ATAD1: variants seen among roughly 807,000 people sequenced by gnomAD.
The protein encoded by ATAD1 is ATPase family AAA domain containing 1.
ATAD1 carries 18 observed loss-of-function variants against 42.7 expected under a neutral mutation model. That is an observed-to-expected ratio of 0.42 (90% CI 0.29 to 0.63). The LOEUF is 0.63. Ranked by LOEUF, ATAD1 falls within the 20% of genes least tolerant of loss-of-function variation. The pLI is 0.19. For missense variants in ATAD1, 294 were observed against 440.4 expected (o/e 0.67, Z 2.98); for synonymous variants, 132 against 143.1 (o/e 0.92, Z 0.55).
chr10:87,820,841 A>G (rs1381365017), upstream of ATAD1, among the ~76,000 whole-genome samples: 1 of 152,208 alleles, frequency 6.6e-6, no homozygotes, highest in Non-Finnish European at 1.5e-5. Flanking sequence ...AGATTCTTCC[A>G]GAATACAGCA....
chr10:87,772,265 A>G (rs56159564), intron 6 of ATAD1, among the ~76,000 whole-genome samples: 9,975 of 151,236 alleles, frequency 0.066, 787 homozygotes, highest in East Asian at 0.33. Context: ...GGCACATGCC[A>G]CTGTGCCTAG....
chr10:87,762,875 C>T (rs1355192320), intron 8 of ATAD1, among the ~76,000 whole-genome samples: 2 of 144,634 alleles, frequency 1.4e-5, no homozygotes, highest in Non-Finnish European at 3.0e-5. Flanking sequence ...CCGAGACCAG[C>T]CTGATCAACA....
intron 2 of ATAD1, among the ~76,000 whole-genome samples, chr10:87,798,350 C>A (rs1472626440): frequency 3.9e-5 from 6 of 152,166 alleles, no homozygotes; most frequent in Non-Finnish European, 7.3e-5. Context: ...TTTTATGGCA[C>A]CACTACTTGC....
At chr10:87,791,936 T>C (rs975668764) in intron 3 of ATAD1, among the ~76,000 whole-genome samples, 1 of 152,192 alleles carries the variant, frequency 6.6e-6, no homozygotes, top group African/African-American at 2.4e-5. Flanking sequence ...TTTAGTATCC[T>C]GTGTTATCAT....
chr10:87,760,857 T>A (rs1456178136), intron 8 of ATAD1, among the ~76,000 whole-genome samples: 1 of 152,240 alleles, frequency 6.6e-6, no homozygotes, highest in African/African-American at 2.4e-5. Flanking sequence ...TCAGACGAAA[T>A]ACTTTTATAG....
chr10:87,824,069 A>G lies in ATAD1; in HGVS notation c.-13-9457T>C, dbSNP rs192057436. 4.0e-5 allele frequency among the ~76,000 whole-genome samples: 6 copies of G among 149,250 alleles called. No homozygotes were observed. In the East Asian group the frequency reaches 1.2e-3, roughly 29 times the overall value. ...GGCATAGTACTCAGCTCACAGAATT[A>G]TAGTTGAAGTCTTTATTCTCCTATA... On this transcript the variant is annotated intron_variant, in intron 1 of 4. Coordinates refer to the ATAD1 transcript ENST00000495903.
intron 8 of ATAD1, among the ~76,000 whole-genome samples, chr10:87,764,874 A>G (rs958037353): frequency 2.6e-5 from 4 of 151,904 alleles, no homozygotes; most frequent in African/African-American, 9.7e-5. Context: ...TAACCTATAA[A>G]TTAAAAGAGA....
At chr10:87,760,355 C>G (rs1375269931) in intron 8 of ATAD1, among the ~76,000 whole-genome samples, 1 of 152,130 alleles carries the variant, frequency 6.6e-6, no homozygotes, top group Non-Finnish European at 1.5e-5. Context: ...ATGTGTGGCA[C>G]TTCCCCCTTC....
In ATAD1 at chr10:87,811,474, C is replaced by A. The variant is rs1384673855; in HGVS notation, c.162+2964G>T. ...CTGGCTGCACATCATCTTTCTATAC[C>A]CTAAATAAAGGAAATGTATCAAGGC... On this transcript the variant is annotated intron_variant, in intron 2 of 9. Transcript: ENST00000680024. Among the ~76,000 whole-genome samples, 5 of 152,072 alleles carry A rather than the reference C, an allele frequency of 3.3e-5. No homozygotes were observed. In the East Asian group the frequency reaches 9.6e-4, roughly 29 times the overall value.
chr10:87,791,731 A>G (rs1220718261), intron 3 of ATAD1, among the ~76,000 whole-genome samples: 19 of 152,226 alleles, frequency 1.2e-4, no homozygotes, highest in Admixed American at 1.2e-3. Context: ...AATATTTTCT[A>G]TTTATAGAAT....
At chr10:87,815,578 A>C (rs1857379604) in intron 1 of ATAD1, among the ~76,000 whole-genome samples, 4 of 152,032 alleles carry the variant, frequency 2.6e-5, no homozygotes, top group Admixed American at 2.6e-4. Flanking sequence ...ATGGCTCAGC[A>C]GATAAAAGTT....
intron 6 of ATAD1, among the ~76,000 whole-genome samples, chr10:87,772,875 A>G (rs1035845991): frequency 6.6e-6 from 1 of 152,328 alleles, no homozygotes; most frequent in East Asian, 1.9e-4. Context: ...CTAAAATATA[A>G]AACAGGAAGT....
chr10:87,838,651 T>C (rs1247806612), intron 1 of ATAD1, among the ~76,000 whole-genome samples: 1 of 151,976 alleles, frequency 6.6e-6, no homozygotes, highest in African/African-American at 2.4e-5. Flanking sequence ...TGAGAGGTAA[T>C]TAGGATTAGA....
intron 2 of ATAD1, among the ~76,000 whole-genome samples, chr10:87,797,486 A>T (rs1856453843): frequency 6.6e-6 from 1 of 152,186 alleles, no homozygotes; most frequent in South Asian, 2.1e-4. Context: ...TAATGACTTG[A>T]ACCCATTAAA....
At chr10:87,808,167 C>A (rs200297673) in intron 2 of ATAD1, among the ~76,000 whole-genome samples, 2 of 152,212 alleles carry the variant, frequency 1.3e-5, no homozygotes, top group East Asian at 3.9e-4. Context: ...TGTAAACATT[C>A]TTTGGCTTTC....
intron 9 of ATAD1, 29 bp from the exon 10 acceptor site, chr10:87,754,836 T>C (rs1854149886): frequency 1.2e-6 from 2 of 1,601,604 alleles, no homozygotes; most frequent in Non-Finnish European, 1.7e-6. Context: ...CATCAAATAC[T>C]CAAATAACTT....
In ATAD1 at chr10:87,771,024, A is replaced by G. The variant is rs777457295; in HGVS notation, c.708T>C (p.Ala236=). The G allele has an allele frequency of 6.8e-6, 11 of 1,613,174 alleles. No homozygotes were observed. The highest frequency in any genetic ancestry group is 1.7e-4 in the Middle Eastern group (1 of 6,054). ...AGTCAAGGTCCTGAGGACGATTGGT[A>G]GCTCCCATTACTATGACCTAAGTGT... ...DHSCQVIVMG[A]TNRPQDLDSA... Residue 236 remains alanine (A), a synonymous_variant, in exon 7 of 10, where the codon GCT becomes GCC. Transcript: ENST00000680024.
At chr10:87,757,054 CT>C (rs761499295) in intron 8 of ATAD1, 132 bp from the exon 9 acceptor site, 38 of 657,188 alleles carry the variant, frequency 5.8e-5, no homozygotes, top group East Asian at 2.6e-4. Flanking sequence ...TTTCTAGAAG[CT>C]TTTTTTAACC....
At chr10:87,837,806 G>C (rs967770247) in intron 1 of ATAD1, among the ~76,000 whole-genome samples, 2 of 152,140 alleles carry the variant, frequency 1.3e-5, no homozygotes, top group Admixed American at 1.3e-4. Flanking sequence ...CATGGAAGAA[G>C]GTTCCCCTCC....
Sources: gnomAD v4.1 joint callset for allele counts (sites outside exome capture counted in the v4.1 genomes callset) on GRCh38, gnomAD v4.1.1 for gene constraint, MANE v1.5 for transcripts, NCBI Gene and HGNC (gene_info 2026-07-23, HGNC 2026-07-21) for gene names.